Variants in ANKRD28 observed in about 807,000 individuals in gnomAD.
ANKRD28 encodes ankyrin repeat domain 28, also known as serine/threonine-protein phosphatase 6 regulatory ankyrin repeat subunit A.
In ANKRD28, 44 loss-of-function variants were observed where a neutral mutation model predicts 126.5. The ratio of observed to expected loss-of-function variants is 0.35; its 90% CI spans 0.27 to 0.45. The LOEUF (loss-of-function observed/expected upper bound fraction) is 0.45, where lower values mean the gene tolerates loss of function less well. Among genes scored for constraint, ANKRD28 ranks in the 20% least tolerant of loss-of-function variants. The pLI is 1.00. For missense variants in ANKRD28, 1,110 were observed against 1,316.6 expected, an observed-to-expected ratio of 0.84 and a Z score of 2.43; for synonymous variants, 442 against 468.5, an observed-to-expected ratio of 0.94 and a Z score of 0.73.
intron 1 of ANKRD28, among the ~76,000 whole-genome samples, chr3:15,808,186 T>C (rs2060629485): frequency 6.6e-6 from 1 of 152,194 alleles, no homozygotes; most frequent in African/African-American, 2.4e-5. Context: ...AAATTAGCAG[T>C]TGTTAAGGAA....
chr3:15,763,830 T>A (rs537821436), intron 3 of ANKRD28, among the ~76,000 whole-genome samples: 8 of 152,312 alleles, frequency 5.3e-5, no homozygotes, highest in Admixed American at 2.0e-4. Flanking sequence ...AATTTTTTTT[T>A]ATTGAGAACT....
chr3:15,795,370 A>G, intron 1 of ANKRD28, 64 bp from the exon 2 acceptor site: 1 of 1,145,644 alleles, frequency 8.7e-7, no homozygotes, highest in Admixed American at 1.8e-5. Flanking sequence ...AGGATATTTT[A>G]CATAGTTCTG....
chr3:15,777,410 A>C (rs559911285), intron 2 of ANKRD28, among the ~76,000 whole-genome samples: 1 of 152,234 alleles, frequency 6.6e-6, no homozygotes, highest in Non-Finnish European at 1.5e-5. Context: ...TAGAAATTTT[A>C]TTACCAGAGA....
In ANKRD28 at chr3:15,797,808, G is replaced by C. The variant is rs1189409655; in HGVS notation, c.-1287C>G. ...GCTTTCCTGTTCCTCAGATGATCTT[G>C]CAAAACACCACTGACATCCCCAAAT... On this transcript the variant is annotated 5_prime_UTR_variant, in exon 1 of 28. Transcript: ENST00000683139. The C allele has an allele frequency of 5.1e-6, 5 of 985,246 alleles. No individual in the cohort carries two copies. The highest frequency in any genetic ancestry group is 6.0e-6 in the Non-Finnish European group (5 of 829,944). 61.0% of individuals were successfully genotyped at this position (985,246 alleles called of 1,614,324 possible).
At chr3:15,773,110 T>C (rs190344828) in intron 2 of ANKRD28, among the ~76,000 whole-genome samples, 27 of 151,680 alleles carry the variant, frequency 1.8e-4, no homozygotes, top group Non-Finnish European at 3.7e-4. Context: ...TGGCATATTA[T>C]TTATAAAGAA....
chr3:15,795,086 G>T, intron 2 of ANKRD28, 137 bp downstream of exon 2: 1 of 627,934 alleles, frequency 1.6e-6, no homozygotes, highest in Non-Finnish European at 2.8e-6. Flanking sequence ...TTTCCCTTTT[G>T]CCTCAATACC....
At chr3:15,750,803 C>T (rs1332975440) in intron 4 of ANKRD28, among the ~76,000 whole-genome samples, 1 of 152,098 alleles carries the variant, frequency 6.6e-6, no homozygotes, top group Non-Finnish European at 1.5e-5. Flanking sequence ...CCATGATGGA[C>T]AGAAGAAGCA....
intron 13 of ANKRD28, among the ~76,000 whole-genome samples, chr3:15,708,919 A>G (rs1157144822): frequency 6.6e-6 from 1 of 152,192 alleles, no homozygotes; most frequent in East Asian, 1.9e-4. Context: ...TTTGCTATGT[A>G]TAATTCTCAA....
chr3:15,725,990 C>A (rs1559414240), intron 6 of ANKRD28, among the ~76,000 whole-genome samples: 1 of 152,058 alleles, frequency 6.6e-6, no homozygotes, highest in Non-Finnish European at 1.5e-5. Context: ...TTGCAGTGAG[C>A]CAAAATCATG....
chr3:15,792,358 A>G (rs1362181576), intron 2 of ANKRD28, among the ~76,000 whole-genome samples: 3 of 152,344 alleles, frequency 2.0e-5, no homozygotes, highest in Admixed American at 1.3e-4. Context: ...AAAATGTGGT[A>G]CATACACACA....
chr3:15,858,454 T>A (rs9809289), intron 1 of ANKRD28, among the ~76,000 whole-genome samples: 6,329 of 152,302 alleles, frequency 0.042, 425 homozygotes, highest in African/African-American at 0.14. Flanking sequence ...AAAAATAGTC[T>A]CAGGTTCTTC....
chr3:15,788,909 A>G (rs1034580209), intron 2 of ANKRD28, among the ~76,000 whole-genome samples: 4 of 151,884 alleles, frequency 2.6e-5, no homozygotes, highest in Admixed American at 6.6e-5. Context: ...TACCCCCCCA[A>G]AAAAAAAGAA....
At chr3:15,731,441 C>G (rs1163005534) in intron 6 of ANKRD28, among the ~76,000 whole-genome samples, 1 of 152,118 alleles carries the variant, frequency 6.6e-6, no homozygotes, top group Admixed American at 6.5e-5. Context: ...AAGAGTAAGC[C>G]ACACCAGAAT....
At chr3:15,749,344 C>T (rs1364439531) in intron 4 of ANKRD28, among the ~76,000 whole-genome samples, 2 of 151,266 alleles carry the variant, frequency 1.3e-5, no homozygotes, top group Non-Finnish European at 2.9e-5. Context: ...GATCTCCTGA[C>T]CTCATGATCC....
chr3:15,850,461 G>C (rs1054745708), intron 1 of ANKRD28, among the ~76,000 whole-genome samples: 2 of 151,938 alleles, frequency 1.3e-5, no homozygotes, highest in African/African-American at 4.8e-5. Flanking sequence ...CTGAAATCAA[G>C]GTGACCTTCT....
intron 2 of ANKRD28, among the ~76,000 whole-genome samples, chr3:15,770,029 G>A (rs1275508199): frequency 6.7e-6 from 1 of 149,740 alleles, no homozygotes; most frequent in Admixed American, 6.6e-5. Context: ...AAAAGCCTTG[G>A]TCTAACTTAA....
chr3:15,724,304 C>A, intron 7 of ANKRD28, 78 bp downstream of exon 7: 5 of 1,249,174 alleles, frequency 4.0e-6, no homozygotes, highest in South Asian at 3.3e-5. Flanking sequence ...TTTCTTAAAC[C>A]TGAAATAACT....
chr3:15,671,137 T>C (rs1215307870), intron 27 of ANKRD28, among the ~76,000 whole-genome samples: 1 of 152,174 alleles, frequency 6.6e-6, no homozygotes, highest in African/African-American at 2.4e-5. Flanking sequence ...AGAAAAACAG[T>C]AGACAAACTA....
intron 1 of ANKRD28, among the ~76,000 whole-genome samples, chr3:15,855,122 G>A (rs528253334): frequency 1.3e-5 from 2 of 152,278 alleles, no homozygotes; most frequent in South Asian, 4.1e-4. Flanking sequence ...CTGGGCATCA[G>A]TGTTCTTCTT....
Sources: allele counts gnomAD v4.1 joint callset (sites outside exome capture counted in the v4.1 genomes callset), GRCh38; gene constraint gnomAD v4.1.1; transcripts MANE v1.5; gene names NCBI Gene and HGNC (gene_info 2026-07-23, HGNC 2026-07-21).